Variants in ATE1 observed in about 807,000 individuals in gnomAD.
ATE1 encodes the protein arginyl-tRNA--protein transferase 1.
In ATE1, 36 loss-of-function variants were observed where a neutral mutation model predicts 70.5. That is an observed-to-expected ratio of 0.51 (90% CI 0.39 to 0.67). The LOEUF is 0.67. Among genes scored for constraint, ATE1 ranks in the 30% least tolerant of loss-of-function variants. ATE1 has a pLI of 0.00. For synonymous variants in ATE1, 232 were observed against 219.3 expected, an observed-to-expected ratio of 1.06 and a Z score of -0.51; for missense variants, 593 against 629.5, an observed-to-expected ratio of 0.94 and a Z score of 0.62.
chr10:121,899,835 T>C, intron 7 of ATE1, 31 bp downstream of exon 7: 1 of 1,601,058 alleles, frequency 6.2e-7, no homozygotes, highest in Non-Finnish European at 8.5e-7. Context: ...AAGCTCTGTT[T>C]GCACAGGAAA....
At chr10:121,926,293 A>C (rs1175242027) in intron 1 of ATE1, among the ~76,000 whole-genome samples, 1 of 152,180 alleles carries the variant, frequency 6.6e-6, no homozygotes, top group African/African-American at 2.4e-5. Flanking sequence ...ATAGAGCAGA[A>C]TATAGTGGGA....
At chr10:121,761,038 T>C (rs1310312927) in intron 11 of ATE1, among the ~76,000 whole-genome samples, 1 of 152,160 alleles carries the variant, frequency 6.6e-6, no homozygotes, top group African/African-American at 2.4e-5. Context: ...TCTCATTCTA[T>C]TAGTTCCCAC....
chr10:121,913,891 C>T lies in ATE1; in HGVS notation c.236G>A (p.Cys79Tyr). The T allele has an allele frequency of 6.2e-7, 1 of 1,603,432 alleles. No homozygotes were observed. The highest frequency in any genetic ancestry group is 8.5e-7 in the Non-Finnish European group (1 of 1,175,044). The change falls in exon 4 of 12, where the codon TGC (cysteine) becomes TAC (tyrosine). Residue 79 changes from cysteine (C) to tyrosine (Y), a missense_variant and splice_region_variant. Physicochemically the swap from Cys to Tyr is radical, Grantham distance 194. This residue lies in a region of ATE1 where 467 missense variants were observed against 469.6 expected (regional missense o/e 0.99). Coordinates refer to ENST00000224652, the MANE Select transcript of ATE1 (RefSeq NM_001001976.3). ...TGAAGGCTGAAATTGTAAAGGTCGGCACCTAGGAAAGCAAAATAAATATTT... is the reference window on the plus strand; with the variant it reads ...TGAAGGCTGAAATTGTAAAGGTCGGTACCTAGGAAAGCAAAATAAATATTT... ...QTCCPQYTIR[C>Y]RPLQFQPSKS... is the part of the protein sequence containing the mutation.
At chr10:121,786,615 G>C (rs977307105) in intron 11 of ATE1, among the ~76,000 whole-genome samples, 4 of 150,750 alleles carry the variant, frequency 2.7e-5, no homozygotes, top group African/African-American at 9.8e-5. Flanking sequence ...GCTGCAGTGA[G>C]CCAAGATCAT....
intron 9 of ATE1, among the ~76,000 whole-genome samples, chr10:121,840,023 T>C (rs1948571169): frequency 6.6e-6 from 1 of 151,982 alleles, no homozygotes; most frequent in Non-Finnish European, 1.5e-5. Context: ...AGACTCAAGC[T>C]CCCAGATAAA....
intron 10 of ATE1, among the ~76,000 whole-genome samples, chr10:121,818,618 T>C (rs1947658426): frequency 6.6e-6 from 1 of 152,210 alleles, no homozygotes; most frequent in Non-Finnish European, 1.5e-5. Flanking sequence ...AATGAACATA[T>C]ATATTTTACC....
intron 8 of ATE1, among the ~76,000 whole-genome samples, chr10:121,847,177 G>A (rs1288216548): frequency 6.6e-6 from 1 of 152,112 alleles, no homozygotes; most frequent in Non-Finnish European, 1.5e-5. Flanking sequence ...GGCTGGGCAC[G>A]GTGTCTCACG....
chr10:121,743,858 A>G lies in ATE1; in HGVS notation c.1379T>C (p.Val460Ala), dbSNP rs1233526554. The G allele has an allele frequency of 3.2e-6, 5 of 1,585,210 alleles. No individual in the cohort carries two copies. The highest frequency in any genetic ancestry group is 1.7e-4 in the Middle Eastern group (1 of 5,886). Residue 460 changes from valine to alanine, a missense_variant and splice_region_variant, in exon 12 of 12, where the codon GTG (valine) becomes GCG (alanine). By Grantham distance (64) the Val-to-Ala change is moderately conservative. This residue lies in a region of ATE1 where 90 missense variants were observed against 93.7 expected (regional missense o/e 0.96). Transcript: ENST00000224652. ...YCRFNQDPEA[V>A]DEDRSTEPDR... is the part of the protein sequence containing the mutation. ...AGGTTCCGTACTGCGATCCTCATCC[A>G]CTGCAACGACAAAAAATACTGATTT...
chr10:121,747,590 A>C (rs1944421256), intron 11 of ATE1, among the ~76,000 whole-genome samples: 1 of 152,144 alleles, frequency 6.6e-6, no homozygotes, highest in Non-Finnish European at 1.5e-5. Context: ...TACTACTGCT[A>C]ATCTCTGGGT....
chr10:121,888,026 T>C (rs1040038609), intron 7 of ATE1, among the ~76,000 whole-genome samples: 2 of 152,038 alleles, frequency 1.3e-5, no homozygotes, highest in Non-Finnish European at 2.9e-5. Flanking sequence ...TCCTCCTACC[T>C]CAGAAATATT....
intron 10 of ATE1, among the ~76,000 whole-genome samples, chr10:121,835,729 C>T (rs543781434): frequency 6.6e-6 from 1 of 152,196 alleles, no homozygotes; most frequent in South Asian, 2.1e-4. Context: ...GAAATACACA[C>T]TACAATATTG....
intron 3 of ATE1, among the ~76,000 whole-genome samples, chr10:121,921,581 T>C (rs565872848): frequency 7.2e-5 from 11 of 152,052 alleles, no homozygotes; most frequent in Admixed American, 2.6e-4. Flanking sequence ...AGAAGTACAA[T>C]GAATGTCATG....
At chr10:121,801,704 G>C (rs1946886377) in intron 10 of ATE1, among the ~76,000 whole-genome samples, 2 of 151,880 alleles carry the variant, frequency 1.3e-5, no homozygotes, top group Non-Finnish European at 1.5e-5. Flanking sequence ...CTTTTTTAAG[G>C]CTCTTTCTTG....
chr10:121,743,968 G>C (rs1944243205), intron 11 of ATE1, 110 bp from the exon 12 acceptor site: 1 of 1,246,540 alleles, frequency 8.0e-7, no homozygotes, highest in South Asian at 1.6e-5. Context: ...TGTCGCCCAG[G>C]CTGGAGTGCA....
chr10:121,770,296 C>A (rs1945457914), intron 11 of ATE1, among the ~76,000 whole-genome samples: 1 of 145,996 alleles, frequency 6.8e-6, no homozygotes, highest in Non-Finnish European at 1.5e-5. Flanking sequence ...TGTATACACA[C>A]TGAGAGACGC....
At chr10:121,869,984 A>T (rs774372807) in intron 8 of ATE1, 22 bp downstream of exon 8, 1 of 1,584,854 alleles carries the variant, frequency 6.3e-7, no homozygotes, top group Non-Finnish European at 8.7e-7. Flanking sequence ...TTCTAATATT[A>T]AGGTCAGTGA....
At chr10:121,766,299 T>C (rs1195293527) in intron 11 of ATE1, among the ~76,000 whole-genome samples, 1 of 152,142 alleles carries the variant, frequency 6.6e-6, no homozygotes, top group African/African-American at 2.4e-5. Flanking sequence ...ATAAGGGTGA[T>C]CGTTTATGCA....
In ATE1 at chr10:121,741,443, T is replaced by G. The variant is rs1310021199; in HGVS notation, c.*2237A>C. 1.3e-5 allele frequency: 2 copies of G among 152,202 alleles called. No homozygotes were observed. Among genetic ancestry groups the G allele is most frequent in the Non-Finnish European group, 2.9e-5 (2 of 68,038 alleles). 9.4% of individuals were successfully genotyped at this position (152,202 alleles called of 1,614,324 possible). A position where few individuals can be genotyped will look rare whatever the true frequency, so the allele number is the denominator to read the frequency against. On this transcript the variant is annotated 3_prime_UTR_variant, in exon 12 of 12. Transcript: ENST00000224652. ...AATGCCACCCTCAAGGAAAGCACAG[T>G]GGTTCACAGACAGGGATGATTCATC...
intron 11 of ATE1, among the ~76,000 whole-genome samples, chr10:121,786,726 T>A (rs182485068): frequency 6.6e-6 from 1 of 152,270 alleles, no homozygotes; most frequent in African/African-American, 2.4e-5. Flanking sequence ...GTCAAATTGT[T>A]TTTTACCAAA....
Sources: gnomAD v4.1 joint callset for allele counts (sites outside exome capture counted in the v4.1 genomes callset) on GRCh38, gnomAD v4.1.1 for gene constraint, gnomAD v4.1.1 regional missense constraint, MANE v1.5 for transcripts, NCBI Gene and HGNC (gene_info 2026-07-23, HGNC 2026-07-21) for gene names.